OGDH: variants seen among roughly 807,000 people sequenced by gnomAD.
OGDH encodes the protein 2-oxoglutarate dehydrogenase complex component E1.
In OGDH, 38 loss-of-function variants were observed where a neutral mutation model predicts 116.6. The observed-to-expected ratio is 0.33, with a 90% confidence interval of 0.25 to 0.43. The LOEUF (loss-of-function observed/expected upper bound fraction) is 0.43, where lower values mean the gene tolerates loss of function less well. OGDH is among the 20% of genes least tolerant of loss of function. OGDH has a pLI of 1.00. For missense variants in OGDH, 825 were observed against 1,357.2 expected, an observed-to-expected ratio of 0.61 and a Z score of 6.16; for synonymous variants, 488 against 533.3, an observed-to-expected ratio of 0.92 and a Z score of 1.17.
Position 44,708,538 on chromosome 7 carries a change from A to G in OGDH, c.*539A>G, listed in dbSNP as rs568464523. On this transcript the variant is annotated 3_prime_UTR_variant, in exon 23 of 23. Transcript: ENST00000222673. The stretch of plus-strand genomic sequence containing the variant: ...AGGATGACCCGGGGCAGCTGGCAGG[A>G]GAGAGCCTTGGCCTGACCTGGCACA... The G allele has an allele frequency of 6.5e-6, 1 of 153,438 alleles. No individual in the cohort carries two copies. Among genetic ancestry groups the G allele is most frequent in the South Asian group, 2.0e-4 (1 of 4,882 alleles). The allele number at this position is 153,438 out of a possible 1,614,324, so 9.5% of individuals were successfully genotyped here.
intron 10 of OGDH, among the ~76,000 whole-genome samples, chr7:44,686,765 T>C (rs1410464255): frequency 1.3e-5 from 2 of 150,246 alleles, no homozygotes; most frequent in African/African-American, 4.9e-5. Context: ...CTCGGCTCAC[T>C]GTAGCCTCCA....
At chr7:44,683,766 A>G (rs1259043939) in intron 10 of OGDH, among the ~76,000 whole-genome samples, 2 of 152,224 alleles carry the variant, frequency 1.3e-5, no homozygotes, top group Admixed American at 1.3e-4. Flanking sequence ...GCTGTGATGA[A>G]CATTCTCATG....
At position 44,699,610 on chromosome 7, in the gene OGDH, G is replaced by A. The variant is rs532503228; in HGVS notation, c.2431-531G>A. The stretch of plus-strand genomic sequence containing the variant: ...TCTCCTCCAGGGTATGAGGCTGGCC[G>A]AAGGAGCTTGCTGGACTCACTTGTT... On this transcript the variant is annotated intron_variant, in intron 18 of 22. Coordinates refer to ENST00000222673, the MANE Select transcript of OGDH (RefSeq NM_002541.4). 3.3e-5 allele frequency among the ~76,000 whole-genome samples: 5 copies of A among 152,244 alleles called. No homozygotes were observed. In the South Asian group the frequency reaches 8.3e-4, roughly 25 times the overall value.
At chr7:44,696,324 A>T (rs1788578072) in intron 13 of OGDH, 105 bp from the exon 14 acceptor site, 1 of 1,403,808 alleles carries the variant, frequency 7.1e-7, no homozygotes, top group South Asian at 1.3e-5. Flanking sequence ...AGTGTGAGCT[A>T]CATTGTCTCT....
chr7:44,613,802 C>CTTTT (rs11397029), intron 1 of OGDH, among the ~76,000 whole-genome samples: 36 of 106,370 alleles, frequency 3.4e-4, no homozygotes, highest in Admixed American at 4.3e-4. Flanking sequence ...AGCCACCTGG[C>CTTTT]TTTTTTTTTT....
intron 10 of OGDH, among the ~76,000 whole-genome samples, chr7:44,687,513 T>C (rs1788185276): frequency 6.6e-6 from 1 of 152,128 alleles, no homozygotes; most frequent in South Asian, 2.1e-4. Context: ...CCTCCGAGGC[T>C]CAAGCAATCC....
intron 18 of OGDH, among the ~76,000 whole-genome samples, chr7:44,699,059 C>CT (rs1487903042): frequency 2.0e-5 from 3 of 151,964 alleles, no homozygotes; most frequent in African/African-American, 7.3e-5. Flanking sequence ...AGGAGAATTG[C>CT]TTAAACCCGG....
At chr7:44,649,041 C>T (rs548834768) in intron 4 of OGDH, among the ~76,000 whole-genome samples, 1 of 152,106 alleles carries the variant, frequency 6.6e-6, no homozygotes, top group East Asian at 1.9e-4. Flanking sequence ...GCCTGTCTGC[C>T]CTGTGCCTCT....
intron 2 of OGDH, among the ~76,000 whole-genome samples, chr7:44,642,099 A>G (rs563096794): frequency 1.3e-5 from 2 of 151,986 alleles, no homozygotes; most frequent in South Asian, 4.2e-4. Context: ...TTCTTTAGCA[A>G]ACATTTTGAT....
chr7:44,613,079 T>C (rs536055037), intron 1 of OGDH, among the ~76,000 whole-genome samples: 92 of 152,008 alleles, frequency 6.1e-4, no homozygotes, highest in Non-Finnish European at 1.1e-3. Context: ...GGTTTCACCA[T>C]GTTAGCCAGG....
rs545645021 is a variant in OGDH, at chr7:44,609,023, A to G, written c.-28+2370A>G. 3.9e-5 allele frequency among the ~76,000 whole-genome samples: 6 copies of G among 152,262 alleles called. No individual in the cohort carries two copies. In the South Asian group the frequency reaches 1.2e-3, roughly 32 times the overall value. ...CAAGGATCCCTTCCATTGCTTTTTT[A>G]TAGCCACACCCACATTCCTCCCATT... On this transcript the variant is annotated intron_variant, in intron 1 of 22. Coordinates refer to ENST00000222673, the MANE Select transcript of OGDH (RefSeq NM_002541.4).
rs547349779 is a variant in OGDH, at chr7:44,686,196, G to A, written c.1335+4348G>A. Reference sequence around the variant, plus strand: ...GCTAGGACCTCAGCACAGTGTCAAAGTGGATAAAAACGGACATCCTTTTCT... The same window carrying A: ...GCTAGGACCTCAGCACAGTGTCAAAATGGATAAAAACGGACATCCTTTTCT... On this transcript the variant is annotated intron_variant, in intron 10 of 22. Transcript: ENST00000222673. 5.9e-5 allele frequency among the ~76,000 whole-genome samples: 9 copies of A among 152,242 alleles called. No homozygotes were observed. The East Asian group carries it at 1.5e-3, about 26-fold the overall frequency.
intron 20 of OGDH, among the ~76,000 whole-genome samples, chr7:44,705,042 T>C (rs1791233705): frequency 2.2e-5 from 3 of 136,388 alleles, no homozygotes; most frequent in Admixed American, 2.1e-4. Context: ...TACAAAAGTT[T>C]TTAATTTTCT....
intron 5 of OGDH, among the ~76,000 whole-genome samples, chr7:44,673,375 C>T (rs561580474): frequency 2.0e-5 from 3 of 152,296 alleles, no homozygotes; most frequent in South Asian, 2.1e-4. Context: ...AGCCATTGAG[C>T]CTATGACACC....
chr7:44,694,631 A>G lies in OGDH; in HGVS notation c.1668+55A>G. 6.3e-7 allele frequency: 1 copy of G among 1,597,554 alleles called. No homozygotes were observed. Among genetic ancestry groups the G allele is most frequent in the Admixed American group, 1.7e-5 (1 of 59,648 alleles). On this transcript the variant is annotated intron_variant, in intron 12 of 22. Coordinates refer to ENST00000222673, the MANE Select transcript of OGDH (RefSeq NM_002541.4). The surrounding 1 kb of genome is among the most constrained non-coding windows in gnomAD (Gnocchi z 4.2). ...CCTTTCCAGGGCTGGCGATGACTAG[A>G]AAAGGTGGGCCACAGGGCCAGTTCT...
At chr7:44,630,424 G>A (rs376477702) in intron 2 of OGDH, among the ~76,000 whole-genome samples, 2 of 152,204 alleles carry the variant, frequency 1.3e-5, no homozygotes, top group African/African-American at 4.8e-5. Context: ...AGAACACTTT[G>A]GTGCCACTCA....
rs777624714 is a variant in OGDH, at chr7:44,705,051, C to CTTTTTT, written c.2633-2160_2633-2155dup. On this transcript the variant is annotated intron_variant, in intron 20 of 22. Transcript: ENST00000222673. ...TTGATGTACAAAAGTTTTTAATTTT[C>CTTTTTT]TTTTTTTTTTTTTTTTTTTGAGACG... Among the ~76,000 whole-genome samples the CTTTTTT allele has an allele frequency of 1.2e-4, 11 of 93,924 alleles. 1 individual carries two copies. The highest frequency in any genetic ancestry group is 4.1e-4 in the African/African-American group (7 of 17,072). 61.6% of individuals were successfully genotyped at this position (93,924 alleles called of 152,430 possible). A position where few individuals can be genotyped will look rare whatever the true frequency, so the allele number is the denominator to read the frequency against.
chr7:44,607,616 G>C (rs1029305960), intron 1 of OGDH, among the ~76,000 whole-genome samples: 35 of 152,310 alleles, frequency 2.3e-4, no homozygotes, highest in African/African-American at 8.4e-4. Flanking sequence ...GTAGACCTAG[G>C]AGAGTATGTA....
intron 4 of OGDH, among the ~76,000 whole-genome samples, chr7:44,657,646 T>C (rs1246773764): frequency 4.6e-5 from 7 of 152,196 alleles, no homozygotes; most frequent in Non-Finnish European, 1.0e-4. Context: ...TGACATCCAG[T>C]TTATTAATTT....
Sources: allele counts gnomAD v4.1 joint callset (sites outside exome capture counted in the v4.1 genomes callset), GRCh38; gene constraint gnomAD v4.1.1; non-coding constraint Gnocchi (gnomAD v3.1); transcripts MANE v1.5; gene names NCBI Gene and HGNC (gene_info 2026-07-23, HGNC 2026-07-21).